Variants in LRRK1 observed in about 807,000 individuals in gnomAD.
The protein encoded by LRRK1 is leucine-rich repeat serine/threonine-protein kinase 1.
In LRRK1, 113 loss-of-function variants were observed where a neutral mutation model predicts 209.1. That is an observed-to-expected ratio of 0.54 (90% CI 0.46 to 0.63). The LOEUF (loss-of-function observed/expected upper bound fraction) is 0.63. Ranked by LOEUF, LRRK1 falls within the 30% of genes least tolerant of loss-of-function variation. The pLI, the probability that LRRK1 is intolerant of heterozygous loss-of-function variation, is 0.00. For synonymous variants in LRRK1, 1,144 were observed against 1,099.7 expected (o/e 1.04, Z -0.80); for missense variants, 2,284 against 2,632.2 (o/e 0.87, Z 2.89).
At chr15:100,965,302 A>G (rs1221609062) in intron 2 of LRRK1, among the ~76,000 whole-genome samples, 1 of 152,230 alleles carries the variant, frequency 6.6e-6, no homozygotes, top group Non-Finnish European at 1.5e-5. Flanking sequence ...CTGACTGTGA[A>G]ACACACAGTA....
At chr15:101,061,963 G>A (rs574585732) in intron 30 of LRRK1, among the ~76,000 whole-genome samples, 4 of 152,312 alleles carry the variant, frequency 2.6e-5, no homozygotes, top group South Asian at 4.1e-4. Context: ...AGCCAAGATC[G>A]CACCATTGCA....
rs2035507933 is a variant in LRRK1, at chr15:101,052,345, AG to A, written c.3689+387del. Among the ~76,000 whole-genome samples, 3 of 152,154 alleles carry A rather than the reference AG, an allele frequency of 2.0e-5. No individual in the cohort carries two copies. The South Asian group carries it at 6.3e-4, about 32-fold the overall frequency. On this transcript the variant is annotated intron_variant, in intron 24 of 33. Coordinates refer to ENST00000388948, the MANE Select transcript of LRRK1 (RefSeq NM_024652.6). The stretch of plus-strand genomic sequence containing the variant: ...TGCAGCCAGTGCTCCTCAAGCATTC[AG>A]GAAGGGGAGAGAAGGGAGAGCTCCC...
At chr15:101,037,311 G>A (rs1033076283) in intron 20 of LRRK1, among the ~76,000 whole-genome samples, 3 of 152,326 alleles carry the variant, frequency 2.0e-5, no homozygotes, top group African/African-American at 7.2e-5. Context: ...AGCTGTAGTG[G>A]TAACAGCAGA....
At chr15:100,980,276 AT>A (rs1220506375) in intron 3 of LRRK1, among the ~76,000 whole-genome samples, 1 of 146,076 alleles carries the variant, frequency 6.8e-6, no homozygotes, top group Non-Finnish European at 1.5e-5. Flanking sequence ...ATCTCAGGAC[AT>A]TATGCTGATT....
intron 2 of LRRK1, among the ~76,000 whole-genome samples, chr15:100,935,274 T>A (rs977664394): frequency 3.3e-5 from 5 of 152,062 alleles, no homozygotes; most frequent in African/African-American, 1.2e-4. Context: ...TGGTCAGAGA[T>A]CAGGGAAGGT....
Position 101,053,303 on chromosome 15 carries a change from G to C in LRRK1, c.3937G>C (p.Ala1313Pro). 6.2e-7 allele frequency: 1 copy of C among 1,605,764 alleles called. No homozygotes were observed. The highest frequency in any genetic ancestry group is 2.2e-5 in the East Asian group (1 of 44,872). The change falls in exon 26 of 34, where the codon GCG becomes CCG. Residue 1313 changes from alanine to proline, a missense_variant. Ala to Pro is a conservative substitution (Grantham distance 27). Transcript: ENST00000388948. ...CCGGCAGGAGGCCAGCATGCTGCAC[G>C]CGCTGCAGCACCCCTGCATCGTGGC... ...EFRQEASMLH[A>P]LQHPCIVALI...
chr15:100,990,491 C>G (rs1007140999), intron 6 of LRRK1, among the ~76,000 whole-genome samples: 8 of 152,054 alleles, frequency 5.3e-5, no homozygotes, highest in African/African-American at 1.9e-4. Flanking sequence ...TTCTCTGTCT[C>G]CACCCCTCAG....
At position 100,924,644 on chromosome 15, in the gene LRRK1, G is replaced by T. The variant is rs779491648; in HGVS notation, c.12G>T (p.Met4Ile). The T allele has an allele frequency of 2.5e-6, 4 of 1,614,160 alleles. No homozygotes were observed. In the East Asian group the frequency reaches 6.7e-5, roughly 27 times the overall value. MAG[M>I]SQRPPSMYWC... ...TGCTGCAAGGGTTGATGGCTGGCAT[G>T]TCGCAAAGACCCCCCAGCATGTACT... Residue 4 changes from methionine (M) to isoleucine (I), a missense_variant, in exon 2 of 34, where the codon ATG becomes ATT. Coordinates refer to ENST00000388948, the MANE Select transcript of LRRK1 (RefSeq NM_024652.6).
chr15:100,987,468 A>G (rs938536112), intron 4 of LRRK1, among the ~76,000 whole-genome samples: 6 of 152,164 alleles, frequency 3.9e-5, no homozygotes, highest in Admixed American at 3.9e-4. Context: ...GCTAAGTGTT[A>G]TTTCATCCTG....
At chr15:100,955,385 C>G (rs1272986224) in intron 2 of LRRK1, among the ~76,000 whole-genome samples, 1 of 152,072 alleles carries the variant, frequency 6.6e-6, no homozygotes, top group Non-Finnish European at 1.5e-5. Flanking sequence ...TTTATTAGTT[C>G]TAGGAGTTTT....
intron 29 of LRRK1, among the ~76,000 whole-genome samples, chr15:101,059,666 G>A (rs778366444): frequency 8.6e-5 from 13 of 152,022 alleles, no homozygotes; most frequent in African/African-American, 2.4e-4. Context: ...GTTCTGAATC[G>A]ATTGGATAGA....
At chr15:100,973,992 C>T (rs2031137912) in intron 3 of LRRK1, 25 bp downstream of exon 3, 4 of 1,245,148 alleles carry the variant, frequency 3.2e-6, no homozygotes, top group Non-Finnish European at 4.0e-6. Flanking sequence ...GCCCCTGCGG[C>T]CACCCATGCA....
At chr15:100,974,501 G>C (rs1367633883) in intron 3 of LRRK1, among the ~76,000 whole-genome samples, 1 of 152,104 alleles carries the variant, frequency 6.6e-6, no homozygotes, top group African/African-American at 2.4e-5. Flanking sequence ...GCTGCTGCTC[G>C]TACTTTTATA....
chr15:101,011,725 A>G (rs965061184), intron 9 of LRRK1, among the ~76,000 whole-genome samples: 4 of 151,568 alleles, frequency 2.6e-5, no homozygotes, highest in East Asian at 3.9e-4. Context: ...GTGGTCCTGA[A>G]TTGTTCCATT....
chr15:101,031,349 G>A (rs60622180), intron 20 of LRRK1, among the ~76,000 whole-genome samples: 9,160 of 152,206 alleles, frequency 0.06, 888 homozygotes, highest in African/African-American at 0.21. Context: ...CTTCTCAACC[G>A]CACAGAGTCA....
At position 101,029,139 on chromosome 15, in the gene LRRK1, TG is replaced by T. The variant is rs1353195012; in HGVS notation, c.2871del (p.Leu958TrpfsTer63). 6.2e-7 allele frequency: 1 copy of T among 1,614,104 alleles called. No individual in the cohort carries two copies. The highest frequency in any genetic ancestry group is 8.5e-7 in the Non-Finnish European group (1 of 1,180,042). On this transcript the variant is annotated frameshift_variant, in exon 20 of 34. Coordinates refer to ENST00000388948, the MANE Select transcript of LRRK1 (RefSeq NM_024652.6). LOFTEE classifies it high-confidence loss of function. ...ATCAGAGCAGAAGACCTCAGGATGC[TG>T]CTGGTGGGGACTGGCTTCACGCAGC... ...GVIRAEDLRM[L>X]LVGTGFTQQT...
At position 101,070,084 on chromosome 15, in the gene LRRK1, C is replaced by T. The variant is rs891736133; in HGVS notation, c.*1236C>T. 5 of 152,164 alleles carry T rather than the reference C, an allele frequency of 3.3e-5. No homozygotes were observed. Among genetic ancestry groups the T allele is most frequent in the Non-Finnish European group, 7.3e-5 (5 of 68,028 alleles). The allele number at this position is 152,164 out of a possible 1,614,324, so 9.4% of individuals were successfully genotyped here. The stretch of plus-strand genomic sequence containing the variant: ...CAGGGAGATGAGACTCTTTTAATCT[C>T]AAAATAAACAGATTCTTTCAAGAAC... On this transcript the variant is annotated 3_prime_UTR_variant, in exon 34 of 34. Coordinates refer to ENST00000388948, the MANE Select transcript of LRRK1 (RefSeq NM_024652.6).
intron 6 of LRRK1, among the ~76,000 whole-genome samples, chr15:100,996,897 G>A (rs186897566): frequency 3.8e-4 from 58 of 152,264 alleles, no homozygotes; most frequent in African/African-American, 1.3e-3. Flanking sequence ...ACTAGAAGAC[G>A]TAATGAGAAA....
chr15:101,045,972 G>T lies in LRRK1; in HGVS notation c.2964-9G>T, dbSNP rs370648969. 6 of 1,613,644 alleles carry T rather than the reference G, an allele frequency of 3.7e-6. No individual in the cohort carries two copies. The highest frequency in any genetic ancestry group is 3.3e-5 in the Admixed American group (2 of 59,994). ...CCACTGTTCACCAGTCCCCCTTGGT[G>T]TGTTTCAGCTACCTCCTGCCCCATC... On this transcript the variant is annotated splice_polypyrimidine_tract_variant and intron_variant, in intron 20 of 33. Coordinates refer to ENST00000388948, the MANE Select transcript of LRRK1 (RefSeq NM_024652.6).
Sources: gnomAD v4.1 joint callset for allele counts (sites outside exome capture counted in the v4.1 genomes callset) on GRCh38, gnomAD v4.1.1 for gene constraint, MANE v1.5 for transcripts, NCBI Gene and HGNC (gene_info 2026-07-23, HGNC 2026-07-21) for gene names.